TM2D1: variants seen among roughly 807,000 people sequenced by gnomAD.
The protein encoded by TM2D1 is TM2 domain-containing protein 1.
Under a neutral mutation model 28.4 loss-of-function variants are expected in TM2D1, and 15 were observed. The ratio of observed to expected loss-of-function variants is 0.53; its 90% CI spans 0.35 to 0.81. TM2D1 has a LOEUF of 0.81. Ranked by LOEUF, TM2D1 falls within the 40% of genes least tolerant of loss-of-function variation. The pLI, the probability that TM2D1 is intolerant of heterozygous loss-of-function variation, is 0.01. For missense variants in TM2D1, 236 were observed against 254.9 expected (o/e 0.93, Z 0.50); for synonymous variants, 93 against 96.2 (o/e 0.97, Z 0.20).
intron 6 of TM2D1, among the ~76,000 whole-genome samples, chr1:61,681,695 G>A: frequency 6.6e-6 from 1 of 152,074 alleles, no homozygotes; most frequent in East Asian, 1.9e-4. Flanking sequence ...TTTACAGTAT[G>A]AATAATAAAA....
chr1:61,685,374 T>A (rs1194932418), intron 5 of TM2D1, among the ~76,000 whole-genome samples: 4 of 152,262 alleles, frequency 2.6e-5, no homozygotes, highest in African/African-American at 9.6e-5. Flanking sequence ...TTTAAACTTA[T>A]GATAGAAAAC....
At chr1:61,706,071 C>T (rs1003913190) in intron 3 of TM2D1, among the ~76,000 whole-genome samples, 11 of 152,124 alleles carry the variant, frequency 7.2e-5, no homozygotes, top group Non-Finnish European at 1.3e-4. Context: ...CAGCAGCTGG[C>T]CTTTTGGTAG....
intron 2 of TM2D1, among the ~76,000 whole-genome samples, 151 bp from the exon 3 acceptor site, chr1:61,709,588 C>A (rs111731682): frequency 9.3e-4 from 142 of 152,124 alleles, no homozygotes; most frequent in African/African-American, 3.1e-3. Flanking sequence ...AGTGACACTA[C>A]GTATGTACTT....
At chr1:61,701,839 A>G (rs938887924) in intron 3 of TM2D1, among the ~76,000 whole-genome samples, 3 of 152,140 alleles carry the variant, frequency 2.0e-5, no homozygotes, top group Non-Finnish European at 2.9e-5. Context: ...ATTGGGAAAT[A>G]CTAACAAGGC....
In TM2D1 at chr1:61,683,556, A is replaced by C. The variant is rs1183221577; in HGVS notation, c.514-10T>G. 5 of 1,286,320 alleles carry C rather than the reference A, an allele frequency of 3.9e-6. No individual in the cohort carries two copies. The South Asian group carries it at 4.7e-5, about 12-fold the overall frequency. The allele number at this position is 1,286,320 out of a possible 1,614,324, so 79.7% of individuals were successfully genotyped here. A position where few individuals can be genotyped will look rare whatever the true frequency, so the allele number is the denominator to read the frequency against. ...CTGAAGGTCCAACAATCTAGAAGAG[A>C]CAAAATTTCAAAATTATTCATTTTA... On this transcript the variant is annotated splice_polypyrimidine_tract_variant and intron_variant, in intron 5 of 6. Transcript: ENST00000606498.
intron 5 of TM2D1, chr1:61,683,804 T>C: frequency 4.0e-6 from 1 of 253,118 alleles, no homozygotes; most frequent in Non-Finnish European, 7.4e-6. Flanking sequence ...TTGGCTTCCC[T>C]GCCTCCTTGC....
At chr1:61,694,869 C>A in intron 4 of TM2D1, 99 bp from the exon 5 acceptor site, 1 of 584,150 alleles carries the variant, frequency 1.7e-6, no homozygotes, top group Non-Finnish European at 2.9e-6. Context: ...ATATATATCA[C>A]ACTCTTTATA....
In TM2D1 at chr1:61,681,174, T is replaced by C. The variant is rs939792072; in HGVS notation, c.*196A>G. The C allele has an allele frequency of 6.5e-6, 1 of 153,396 alleles. No homozygotes were observed. The highest frequency in any genetic ancestry group is 1.5e-5 in the Non-Finnish European group (1 of 68,048). The allele number at this position is 153,396 out of a possible 1,614,324, so 9.5% of individuals were successfully genotyped here. ...GAGACAGAAGCCCGAGAAACACTAT[T>C]ATACAGCTTTCAAAGGAAGTCCTAT... On this transcript the variant is annotated 3_prime_UTR_variant, in exon 7 of 7. Transcript: ENST00000606498.
intron 2 of TM2D1, among the ~76,000 whole-genome samples, chr1:61,720,293 G>A (rs12091724): frequency 0.041 from 6,263 of 151,846 alleles, 436 homozygotes; most frequent in African/African-American, 0.14. Context: ...CCAGGCTGGA[G>A]TGCAGTGGCG....
At position 61,709,407 on chromosome 1, in the gene TM2D1, C is replaced by T. The variant is rs1390630717; in HGVS notation, c.269G>A (p.Cys90Tyr). 1.9e-6 allele frequency: 3 copies of T among 1,599,262 alleles called. No homozygotes were observed. Among genetic ancestry groups the T allele is most frequent in the African/African-American group, 2.7e-5 (2 of 74,408 alleles). The change falls in exon 3 of 7, where the codon TGT becomes TAT. Residue 90 changes from cysteine (C) to tyrosine (Y), a missense_variant. Coordinates refer to ENST00000606498, the MANE Select transcript of TM2D1 (RefSeq NM_032027.3). ...VSCFPAPNITCKDSSGNETHF... is the reference protein window; with the variant it reads ...VSCFPAPNITYKDSSGNETHF... Reference sequence around the variant, plus strand: ...TGTTTCATTGCCACTGGAATCCTTACAAGTTATGTTGGGTGCTGGAAAACA... The same window carrying T: ...TGTTTCATTGCCACTGGAATCCTTATAAGTTATGTTGGGTGCTGGAAAACA...
chr1:61,703,418 T>A (rs947916247), intron 3 of TM2D1, among the ~76,000 whole-genome samples: 17 of 145,334 alleles, frequency 1.2e-4, no homozygotes, highest in African/African-American at 4.0e-4. Context: ...ACATAATTTT[T>A]TTTTTTTTTT....
intron 2 of TM2D1, among the ~76,000 whole-genome samples, chr1:61,715,034 C>A (rs1417824301): frequency 1.3e-5 from 2 of 152,158 alleles, no homozygotes; most frequent in Non-Finnish European, 2.9e-5. Flanking sequence ...GAGGTACCAT[C>A]GTGACGGGAA....
chr1:61,682,324 G>A (rs1644250246), intron 6 of TM2D1, among the ~76,000 whole-genome samples: 1 of 152,110 alleles, frequency 6.6e-6, no homozygotes, highest in South Asian at 2.1e-4. Flanking sequence ...CTAGACAGCT[G>A]CTAGACAGCT....
rs184170113 is a variant in TM2D1, at chr1:61,700,408, T to C, written c.439+526A>G. On this transcript the variant is annotated intron_variant, in intron 4 of 6. Coordinates refer to ENST00000606498, the MANE Select transcript of TM2D1 (RefSeq NM_032027.3). Reference sequence around the variant, plus strand: ...TAGTTTTCATAAGCATTAGTAACTATAGTAAATGTGATTACAGCCAGAAGG... The same window carrying C: ...TAGTTTTCATAAGCATTAGTAACTACAGTAAATGTGATTACAGCCAGAAGG... 2.8e-5 allele frequency: 33 copies of C among 1,165,358 alleles called. No homozygotes were observed. In the African/African-American group the frequency reaches 3.5e-4, roughly 12 times the overall value. 72.2% of individuals were successfully genotyped at this position (1,165,358 alleles called of 1,614,324 possible). A position where few individuals can be genotyped will look rare whatever the true frequency, so the allele number is the denominator to read the frequency against.
intron 5 of TM2D1, among the ~76,000 whole-genome samples, chr1:61,692,168 A>G (rs1302738820): frequency 6.6e-6 from 1 of 151,624 alleles, no homozygotes; most frequent in Non-Finnish European, 1.5e-5. Context: ...TATTATCTGT[A>G]TATTTTTAGG....
chr1:61,692,145 G>A (rs946102936), intron 5 of TM2D1, among the ~76,000 whole-genome samples: 7 of 151,094 alleles, frequency 4.6e-5, no homozygotes, highest in Non-Finnish European at 1.0e-4. Context: ...TTCATGCCAT[G>A]CATCATCATT....
intron 3 of TM2D1, among the ~76,000 whole-genome samples, chr1:61,708,240 G>T (rs182900958): frequency 6.6e-6 from 1 of 151,974 alleles, no homozygotes; most frequent in African/African-American, 2.4e-5. Context: ...GTAGAGACAG[G>T]GTCTCCCTAC....
At chr1:61,715,243 T>C (rs957153827) in intron 2 of TM2D1, among the ~76,000 whole-genome samples, 1 of 152,170 alleles carries the variant, frequency 6.6e-6, no homozygotes, top group African/African-American at 2.4e-5. Context: ...ACTTTAGAAC[T>C]AGACAGATTT....
rs1292170096 is a variant in TM2D1, at chr1:61,696,527, G to A, written c.440-1757C>T. Among the ~76,000 whole-genome samples the A allele has an allele frequency of 6.4e-5, 9 of 139,736 alleles. No individual in the cohort carries two copies. The East Asian group carries it at 1.7e-3, about 26-fold the overall frequency. 91.7% of individuals were successfully genotyped at this position (139,736 alleles called of 152,430 possible). A position where few individuals can be genotyped will look rare whatever the true frequency, so the allele number is the denominator to read the frequency against. ...GGACTCCAGCCGGGGCAACAAAGCCGGGGCAACCTTGTCTCAAAAAAAAAA... is the reference window on the plus strand; with the variant it reads ...GGACTCCAGCCGGGGCAACAAAGCCAGGGCAACCTTGTCTCAAAAAAAAAA... On this transcript the variant is annotated intron_variant, in intron 4 of 6. Coordinates refer to ENST00000606498, the MANE Select transcript of TM2D1 (RefSeq NM_032027.3).
Sources: allele counts gnomAD v4.1 joint callset (sites outside exome capture counted in the v4.1 genomes callset), GRCh38; gene constraint gnomAD v4.1.1; transcripts MANE v1.5; gene names NCBI Gene and HGNC (gene_info 2026-07-23, HGNC 2026-07-21).